TBX22: variants seen among roughly 807,000 people sequenced by gnomAD.
TBX22 encodes the protein T-box transcription factor 22, also known as T-box transcription factor TBX22.
In TBX22, 8 loss-of-function variants were observed where a neutral mutation model predicts 30.1. That is an observed-to-expected ratio of 0.27 (90% CI 0.16 to 0.48). TBX22 has a LOEUF of 0.48. Among genes scored for constraint, TBX22 ranks in the 20% least tolerant of loss-of-function variants. The pLI, the probability that TBX22 is intolerant of heterozygous loss-of-function variation, is 0.99. For synonymous variants in TBX22, 173 were observed against 149.1 expected (o/e 1.16, Z -1.17); for missense variants, 463 against 400.5 (o/e 1.16, Z -1.33).
At chrX:80,027,345 A>G in intron 7 of TBX22, 25 bp downstream of exon 7, 1 of 820,537 alleles carries the variant, frequency 1.2e-6, no homozygotes, top group South Asian at 2.2e-5. Flanking sequence ...AATGACATCT[A>G]ATATTGATGT....
At chrX:80,025,375 G>T (rs1234687766) in intron 4 of TBX22, among the ~76,000 whole-genome samples, 1 of 112,148 alleles carries the variant, frequency 8.9e-6, no homozygotes, top group African/African-American at 3.2e-5. Context: ...ATCAGACTTA[G>T]AAATCTCATG....
intron 6 of TBX22, among the ~76,000 whole-genome samples, 177 bp from the exon 7 acceptor site, chrX:80,027,079 T>C (rs1174623639): frequency 8.9e-6 from 1 of 112,630 alleles, no homozygotes; most frequent in Non-Finnish European, 1.9e-5. Context: ...AAAGTAATGA[T>C]TTATAAATAG....
intron 5 of TBX22, 33 bp downstream of exon 5, chrX:80,025,810 G>A (rs199593335): frequency 3.5e-6 from 4 of 1,151,096 alleles, no homozygotes; most frequent in African/African-American, 3.6e-5. Context: ...CCCGAGGAGG[G>A]AGGTGCCAAG....
At chrX:80,018,986 T>A (rs1268455774) in intron 1 of TBX22, among the ~76,000 whole-genome samples, 1 of 111,214 alleles carries the variant, frequency 9.0e-6, no homozygotes, top group Non-Finnish European at 1.9e-5. Flanking sequence ...AATAACATAA[T>A]TTTCCTATTC....
At chrX:80,016,116 T>C in intron 1 of TBX22, among the ~76,000 whole-genome samples, 1 of 112,057 alleles carries the variant, frequency 8.9e-6, no homozygotes, top group Admixed American at 9.5e-5. Flanking sequence ...TTGTTAGGTA[T>C]TGAAAAGCCC....
chrX:80,030,048 G>A lies in TBX22; in HGVS notation c.950-450G>A, dbSNP rs964245150. Among the ~76,000 whole-genome samples, 15 of 111,673 alleles carry A rather than the reference G, an allele frequency of 1.3e-4. No homozygotes were observed. The East Asian group carries it at 3.1e-3, about 23-fold the overall frequency. On this transcript the variant is annotated intron_variant, in intron 8 of 8. Transcript: ENST00000373296. ...GTGGGGGTTGGGAGGGGATGGTTTC[G>A]GGATGAAACTGTTCCACCTCAGATC...
chrX:80,024,235 C>T (rs747206999), intron 4 of TBX22, 71 bp downstream of exon 4: 279 of 979,491 alleles, frequency 2.8e-4, no homozygotes, highest in Middle Eastern at 3.1e-4. Context: ...AGACCTGAAA[C>T]CTGACAGCAT....
chrX:80,022,358 C>A lies in TBX22; in HGVS notation c.89C>A (p.Ala30Glu), dbSNP rs768403428. 2.4e-5 allele frequency: 29 copies of A among 1,208,602 alleles called. No homozygotes were observed. The highest frequency in any genetic ancestry group is 7.1e-5 in the South Asian group (4 of 56,630). ...AGAAAACTCCAAGACCCAATACAGG[C>A]GGAGCAGCCTGAGCTGCGGGAGAAA... ...SKRKLQDPIQ[A>E]EQPELREKKG... Residue 30 changes from alanine (A) to glutamate (E), a missense_variant, in exon 2 of 9, where the codon GCG becomes GAG. Physicochemically the swap from Ala to Glu is moderately radical, Grantham distance 107. Coordinates refer to ENST00000373296, the MANE Select transcript of TBX22 (RefSeq NM_001109878.2).
intron 1 of TBX22, among the ~76,000 whole-genome samples, chrX:80,017,972 T>A (rs1210431542): frequency 8.9e-6 from 1 of 111,935 alleles, no homozygotes; most frequent in Non-Finnish European, 1.9e-5. Context: ...GCATTTCGCT[T>A]CCAATCCTCC....
rs773538326 is a variant in TBX22 at position 80,022,219 on chromosome X, C to G, written c.-2-49C>G. 5.1e-6 allele frequency: 6 copies of G among 1,181,411 alleles called. No individual in the cohort carries two copies. In the South Asian group the frequency reaches 1.1e-4, roughly 21 times the overall value. On this transcript the variant is annotated intron_variant, in intron 1 of 8. Coordinates refer to ENST00000373296, the MANE Select transcript of TBX22 (RefSeq NM_001109878.2). ...CTGTGTCTCCCCCTCCCTCCCTAAC[C>G]CAGTTCAGGTTGAAACTTTGCTGCA...
chrX:80,019,464 C>T (rs1275959077), intron 1 of TBX22, among the ~76,000 whole-genome samples: 2 of 111,776 alleles, frequency 1.8e-5, no homozygotes, highest in Non-Finnish European at 3.8e-5. Context: ...ACATATTCTT[C>T]TTTCTATTGT....
Position 80,031,022 on chromosome X carries a change from C to G in TBX22, c.1474C>G (p.Leu492Val). The G allele has an allele frequency of 8.3e-7, 1 of 1,211,296 alleles. No homozygotes were observed. Among genetic ancestry groups the G allele is most frequent in the Non-Finnish European group, 1.1e-6 (1 of 894,902 alleles). Residue 492 changes from leucine (L) to valine (V), a missense_variant, in exon 9 of 9, where the codon CTT (leucine) becomes GTT (valine). Transcript: ENST00000373296. ...PSRLISGSNH[L>V]KVNDDSQVSF... is the part of the protein sequence containing the mutation. ...TAGACTGATAAGTGGTTCCAACCAT[C>G]TTAAAGTGAATGACGACAGTCAAGT... is the stretch of plus-strand genomic sequence containing the variant.
chrX:80,027,257 T>C lies in TBX22; in HGVS notation c.800T>C (p.Ile267Thr). The part of the protein sequence containing the change: ...TTVTAYQNQQ[I>T]TKLKIERNPF... ...TTTCTCTCTCTATTGAATCCATAGA[T>C]TACGAAACTAAAAATAGAAAGAAAT... Residue 267 changes from isoleucine (I) to threonine (T), a missense_variant and splice_region_variant, in exon 7 of 9, where the codon ATT (isoleucine) becomes ACT (threonine). Physicochemically the swap from Ile to Thr is moderately conservative, Grantham distance 89 (BLOSUM62 -1). Transcript: ENST00000373296. 9.7e-7 allele frequency: 1 copy of C among 1,029,539 alleles called. No individual in the cohort carries two copies. Among genetic ancestry groups the C allele is most frequent in the Non-Finnish European group, 1.4e-6 (1 of 730,790 alleles). The allele number at this position is 1,029,539 out of a possible 1,213,427, so 84.8% of individuals were successfully genotyped here.
At chrX:80,020,723 G>A (rs988241425) in intron 1 of TBX22, among the ~76,000 whole-genome samples, 3 of 111,486 alleles carry the variant, frequency 2.7e-5, no homozygotes, top group African/African-American at 6.5e-5. Flanking sequence ...CACAGTGGCA[G>A]GGCACATTTG....
Position 80,030,695 on chromosome X carries a change from C to T in TBX22, c.1147C>T (p.Gln383Ter). The change falls in exon 9 of 9, where the codon CAG becomes TAG. Residue 383 changes from glutamine (Q) to a stop codon, truncating the protein, a stop_gained. Transcript: ENST00000373296. LOFTEE classifies it high-confidence loss of function. ...YKICPTNFWQ[Q>*]QPLVLPAPER... ...GATTTGTCCAACTAATTTTTGGCAA[C>T]AGCAACCTCTTGTTTTACCGGCTCC... 1 of 1,211,882 alleles carries T rather than the reference C, an allele frequency of 8.3e-7. No individual in the cohort carries two copies. Among genetic ancestry groups the T allele is most frequent in the Non-Finnish European group, 1.1e-6 (1 of 895,463 alleles).
In TBX22 at chrX:80,028,029, G is replaced by A; in HGVS notation, c.902G>A (p.Arg301Lys). ...GGGCTTTTAGAGACCTACCCATGGA[G>A]GCCTTCTTTCACTCTCGATTTTAAA... is the stretch of plus-strand genomic sequence containing the variant. ...LDGLLETYPW[R>K]PSFTLDFKTF... Residue 301 changes from arginine (R) to lysine (K), a missense_variant, in exon 8 of 9, where the codon AGG becomes AAG. Physicochemically the swap from Arg to Lys is conservative, Grantham distance 26. Transcript: ENST00000373296. 8.3e-7 allele frequency: 1 copy of A among 1,211,291 alleles called. No homozygotes were observed. Among genetic ancestry groups the A allele is most frequent in the Non-Finnish European group, 1.1e-6 (1 of 895,152 alleles).
At position 80,024,144 on chromosome X, in the gene TBX22, G is replaced by A. The variant is rs201942455; in HGVS notation, c.438G>A (p.Pro146=). ...KQYHVAIDVV[P]VDSKRYRYVY... is the part of the protein sequence containing the mutation. ...ACCATGTGGCCATCGATGTGGTGCC[G>A]GTGGATTCCAAACGCTATAGGTAAT... Residue 146 remains proline, a synonymous_variant, in exon 4 of 9, where the codon CCG becomes CCA. Transcript: ENST00000373296. 113 of 1,208,146 alleles carry A rather than the reference G, an allele frequency of 9.4e-5. No homozygotes were observed. The highest frequency in any genetic ancestry group is 1.2e-4 in the Non-Finnish European group (104 of 894,226).
At chrX:80,027,965 T>G (rs1277736426) in intron 7 of TBX22, 26 bp from the exon 8 acceptor site, 4 of 1,093,392 alleles carry the variant, frequency 3.7e-6, no homozygotes, top group Non-Finnish European at 5.1e-6. Flanking sequence ...ATTCTGGGGA[T>G]GCTGAAAGTT....
intron 7 of TBX22, among the ~76,000 whole-genome samples, chrX:80,027,771 T>G (rs1924051262): frequency 8.9e-6 from 1 of 112,291 alleles, no homozygotes; most frequent in Admixed American, 9.4e-5. Flanking sequence ...CCAGATGTTT[T>G]GTGTTGAAAA....
Sources: allele counts gnomAD v4.1 joint callset (sites outside exome capture counted in the v4.1 genomes callset), GRCh38; gene constraint gnomAD v4.1.1; transcripts MANE v1.5; gene names NCBI Gene and HGNC (gene_info 2026-07-23, HGNC 2026-07-21).